Variants in LRP3 observed in about 807,000 individuals in gnomAD.
The protein encoded by LRP3 is LDL receptor related protein 3, also known as low-density lipoprotein receptor-related protein 3.
A neutral mutation model predicts 58.5 loss-of-function variants in LRP3; 49 were observed. The observed-to-expected ratio is 0.84, with a 90% CI of 0.67 to 1.06. The LOEUF (loss-of-function observed/expected upper bound fraction) is 1.06, where lower values mean the gene tolerates loss of function less well. LRP3 is among the 50% of genes least tolerant of loss of function. LRP3 has a pLI of 0.00. For missense variants in LRP3, 1,019 were observed against 1,134.2 expected (o/e 0.90, Z 1.46); for synonymous variants, 485 against 492.2 (o/e 0.99, Z 0.20).
intron 2 of LRP3, among the ~76,000 whole-genome samples, chr19:33,198,072 G>C (rs1285218036): frequency 1.3e-5 from 2 of 152,224 alleles, no homozygotes; most frequent in Non-Finnish European, 2.9e-5. Context: ...GCCTGGGTCA[G>C]ATGTCTGTGG....
In LRP3 at chr19:33,196,847, G is replaced by A. The variant is rs899803088; in HGVS notation, c.121+70G>A. The A allele has an allele frequency of 5.7e-6, 8 of 1,396,530 alleles. No individual in the cohort carries two copies. The African/African-American group carries it at 9.9e-5, about 17-fold the overall frequency. The allele number at this position is 1,396,530 out of a possible 1,614,324, so 86.5% of individuals were successfully genotyped here. ...TTGGGTGAGTGGTCCCTGAAGACAG[G>A]CCTTCAGGGTCCTGGCACTACCCCG... On this transcript the variant is annotated intron_variant, in intron 2 of 6. Transcript: ENST00000253193.
Position 33,207,130 on chromosome 19 carries a change from C to T in LRP3, c.1868C>T (p.Pro623Leu). ...HRPRAPRGQI[P>L]LLTAARPSQT... ...CCGCGGGCGCCCCGAGGCCAGATCC[C>T]ACTGCTGACCGCAGCACGCCCCTCA... The change falls in exon 7 of 7, where the codon CCA becomes CTA. Residue 623 changes from proline (P) to leucine (L), a missense_variant. By Grantham distance (98) the Pro-to-Leu change is moderately conservative. Transcript: ENST00000253193. The T allele has an allele frequency of 6.5e-7, 1 of 1,532,658 alleles. No individual in the cohort carries two copies. Among genetic ancestry groups the T allele is most frequent in the South Asian group, 1.2e-5 (1 of 83,414 alleles). 94.9% of individuals were successfully genotyped at this position (1,532,658 alleles called of 1,614,324 possible).
Position 33,207,423 on chromosome 19 carries a change from T to G in LRP3, c.2161T>G (p.Cys721Gly). Residue 721 changes from cysteine (C) to glycine (G), a missense_variant, in exon 7 of 7, where the codon TGC (cysteine) becomes GGC (glycine). Coordinates refer to ENST00000253193, the MANE Select transcript of LRP3 (RefSeq NM_002333.4). ...TCCTGCAGATGCACCTCGGGAGCCC[T>G]GCTCAGCCCAGGACCCGCACCCCCA... is the stretch of plus-strand genomic sequence containing the variant. The part of the protein sequence containing the change: ...PAPADAPREP[C>G]SAQDPHPQVS... 6.3e-7 allele frequency: 1 copy of G among 1,593,394 alleles called. No homozygotes were observed. Among genetic ancestry groups the G allele is most frequent in the Non-Finnish European group, 8.5e-7 (1 of 1,174,738 alleles).
chr19:33,201,439 C>G (rs1465688192), intron 2 of LRP3, among the ~76,000 whole-genome samples: 1 of 151,864 alleles, frequency 6.6e-6, no homozygotes, highest in African/African-American at 2.4e-5. Context: ...AGGGATGAGG[C>G]AGAGTGTGGG....
chr19:33,204,573 C>T, intron 3 of LRP3, 65 bp from the exon 4 acceptor site: 1 of 1,225,054 alleles, frequency 8.2e-7, no homozygotes, highest in Non-Finnish European at 1.2e-6. Context: ...CCACTCCCTG[C>T]TGGTCCTCGG....
intron 3 of LRP3, among the ~76,000 whole-genome samples, chr19:33,203,218 G>A (rs1400860170): frequency 6.6e-6 from 1 of 152,102 alleles, no homozygotes; most frequent in East Asian, 1.9e-4. Flanking sequence ...GTGAGTAGGT[G>A]TGTGTGCATG....
Position 33,207,392 on chromosome 19 carries a change from C to A in LRP3, c.2130C>A (p.Gly710=). The A allele has an allele frequency of 6.3e-7, 1 of 1,586,260 alleles. No individual in the cohort carries two copies. ...RKVCREPLVD[G]PAPADAPREP... ...TCTGCAGGGAGCCACTGGTAGACGG[C>A]CCAGCTCCTGCAGATGCACCTCGGG... The change falls in exon 7 of 7, where the codon GGC becomes GGA. Residue 710 remains glycine, a synonymous_variant. Transcript: ENST00000253193.
intron 1 of LRP3, among the ~76,000 whole-genome samples, chr19:33,195,484 CG>C (rs1974276470): frequency 6.6e-6 from 1 of 152,214 alleles, no homozygotes; most frequent in Non-Finnish European, 1.5e-5. Context: ...AGCTTTCCAG[CG>C]CTCTGTGTAG....
chr19:33,194,905 A>G, intron 1 of LRP3, 47 bp downstream of exon 1: 1 of 985,376 alleles, frequency 1.0e-6, no homozygotes, highest in Non-Finnish European at 1.2e-6. Flanking sequence ...CCCGCATGGC[A>G]GTCCGCGCCG....
In LRP3 at chr19:33,205,657, T is replaced by A. The variant is rs1221573107; in HGVS notation, c.887T>A (p.Leu296Gln). The change falls in exon 5 of 7, where the codon CTG (leucine) becomes CAG (glutamine). Residue 296 changes from leucine to glutamine, a missense_variant. Coordinates refer to ENST00000253193, the MANE Select transcript of LRP3 (RefSeq NM_002333.4). ...ACACAGGACTCCCGGCGGGTGCTGC[T>A]GCAGCTGGAACTGCGGCTGGGCTAT... ...VDTQDSRRVL[L>Q]QLELRLGYDD... 2 of 1,609,520 alleles carry A rather than the reference T, an allele frequency of 1.2e-6. No individual in the cohort carries two copies. The highest frequency in any genetic ancestry group is 1.7e-6 in the Non-Finnish European group (2 of 1,179,432).
intron 5 of LRP3, 26 bp downstream of exon 5, chr19:33,206,388 G>A: frequency 6.2e-7 from 1 of 1,602,344 alleles, no homozygotes. Context: ...GCAGCCAGGG[G>A]ACCGGGCTTC....
chr19:33,206,688 C>T lies in LRP3; in HGVS notation c.1680C>T (p.Gly560=). 6.4e-7 allele frequency: 1 copy of T among 1,552,174 alleles called. No homozygotes were observed. Among genetic ancestry groups the T allele is most frequent in the Non-Finnish European group, 8.7e-7 (1 of 1,150,138 alleles). ...CCTATGGTCAGCTCATCGCCCAGGG[C>T]CTCATTCCACCCGTGGAGGACTTTC... ...PPSYGQLIAQ[G]LIPPVEDFPV... The change falls in exon 6 of 7, where the codon GGC becomes GGT. Residue 560 remains glycine (G), a synonymous_variant. Transcript: ENST00000253193.
intron 2 of LRP3, among the ~76,000 whole-genome samples, chr19:33,198,508 C>T (rs1427617696): frequency 3.9e-5 from 6 of 152,214 alleles, no homozygotes; most frequent in Non-Finnish European, 7.3e-5. Flanking sequence ...CTCCATGACT[C>T]TGCATTTCCA....
intron 2 of LRP3, among the ~76,000 whole-genome samples, chr19:33,197,963 G>C (rs987462650): frequency 9.9e-5 from 15 of 152,184 alleles, no homozygotes; most frequent in African/African-American, 3.1e-4. Flanking sequence ...GCCTTGCTCA[G>C]CGCTGACCTA....
rs1419178252 is a variant in LRP3, at chr19:33,206,044, G to A, written c.1274G>A (p.Gly425Asp). Residue 425 changes from glycine (G) to aspartate (D), a missense_variant, in exon 5 of 7, where the codon GGT (glycine) becomes GAT (aspartate). Physicochemically the swap from Gly to Asp is moderately conservative, Grantham distance 94 (BLOSUM62 -1). Transcript: ENST00000253193. ...CCGCCCGACCAGTACCCCTGCGAGG[G>A]TGGCAGTGGTCTGTGCTACACGCCT... Reference protein sequence around the residue: ...ACPPDQYPCEGGSGLCYTPAD... With the variant: ...ACPPDQYPCEDGSGLCYTPAD... The A allele has an allele frequency of 4.4e-6, 7 of 1,598,600 alleles. No individual in the cohort carries two copies. In the Admixed American group the frequency reaches 1.0e-4, roughly 24 times the overall value.
Position 33,207,608 on chromosome 19 carries a change from G to T in LRP3, c.*33G>T. ...GCTCGCTGGTGACCGCCACAGCCCC[G>T]CTTTGTAACCAGGGAATACACAGTC... On this transcript the variant is annotated 3_prime_UTR_variant, in exon 7 of 7. Transcript: ENST00000253193. The T allele has an allele frequency of 1.4e-6, 2 of 1,467,110 alleles. No homozygotes were observed. The highest frequency in any genetic ancestry group is 2.3e-5 in the East Asian group (1 of 44,218). 90.9% of individuals were successfully genotyped at this position (1,467,110 alleles called of 1,614,324 possible).
intron 2 of LRP3, among the ~76,000 whole-genome samples, chr19:33,200,671 CT>C (rs1319793236): frequency 6.6e-6 from 1 of 152,220 alleles, no homozygotes; most frequent in African/African-American, 2.4e-5. Flanking sequence ...GTTTGGGTGG[CT>C]GCACCCTGAG....
chr19:33,206,052 G>A lies in LRP3; in HGVS notation c.1282G>A (p.Gly428Ser). 1.2e-6 allele frequency: 2 copies of A among 1,602,252 alleles called. No individual in the cohort carries two copies. Among genetic ancestry groups the A allele is most frequent in the Middle Eastern group, 3.3e-4 (2 of 6,054 alleles). Residue 428 changes from glycine to serine, a missense_variant, in exon 5 of 7, where the codon GGT (glycine) becomes AGT (serine). Physicochemically the swap from Gly to Ser is moderately conservative, Grantham distance 56. Transcript: ENST00000253193. ...PDQYPCEGGSGLCYTPADRCN... is the reference protein window; with the variant it reads ...PDQYPCEGGSSLCYTPADRCN... Reference sequence around the variant, plus strand: ...CCAGTACCCCTGCGAGGGTGGCAGTGGTCTGTGCTACACGCCTGCCGACCG... The same window carrying A: ...CCAGTACCCCTGCGAGGGTGGCAGTAGTCTGTGCTACACGCCTGCCGACCG...
intron 2 of LRP3, among the ~76,000 whole-genome samples, chr19:33,198,480 A>G (rs1831305267): frequency 6.6e-6 from 1 of 151,956 alleles, no homozygotes; most frequent in Non-Finnish European, 1.5e-5. Context: ...GGCCCAAGGT[A>G]CCCACCTCCC....
Sources: gnomAD v4.1 joint callset for allele counts (sites outside exome capture counted in the v4.1 genomes callset) on GRCh38, gnomAD v4.1.1 for gene constraint, MANE v1.5 for transcripts, NCBI Gene and HGNC (gene_info 2026-07-23, HGNC 2026-07-21) for gene names.